The following LONP2 variants were observed in gnomAD, a reference collection of about 807,000 sequenced individuals.
LONP2 encodes the protein lon protease homolog 2, peroxisomal.
In LONP2, 60 loss-of-function variants were observed where a neutral mutation model predicts 85.6. That is an observed-to-expected ratio of 0.70 (90% CI 0.57 to 0.87). The LOEUF (loss-of-function observed/expected upper bound fraction) is 0.87. Ranked by LOEUF, LONP2 falls within the 40% of genes least tolerant of loss-of-function variation. The pLI is 0.00. For missense variants in LONP2, 860 were observed against 1,063.5 expected (o/e 0.81, Z 2.66); for synonymous variants, 395 against 389.7 (o/e 1.01, Z -0.16).
chr16:48,289,817 G>A (rs1463236144), intron 8 of LONP2, among the ~76,000 whole-genome samples: 1 of 152,064 alleles, frequency 6.6e-6, no homozygotes, highest in Non-Finnish European at 1.5e-5. Flanking sequence ...CCACTTTTGT[G>A]ACCACTGGTC....
At chr16:48,304,611 G>A (rs1256507287) in intron 11 of LONP2, among the ~76,000 whole-genome samples, 2 of 152,170 alleles carry the variant, frequency 1.3e-5, no homozygotes, top group African/African-American at 4.8e-5. Context: ...GGTTGAGGCA[G>A]GAGAATCGCT....
chr16:48,357,548 G>A (rs1261853403), downstream of LONP2, among the ~76,000 whole-genome samples: 2 of 152,132 alleles, frequency 1.3e-5, no homozygotes, highest in African/African-American at 2.4e-5. Flanking sequence ...TCACCCTGTC[G>A]AGTTTCGACA....
At chr16:48,361,322 CCTTT>C (rs1194330496), downstream of LONP2, 9 of 379,714 alleles carry the variant, frequency 2.4e-5, no homozygotes, top group African/African-American at 1.2e-4. Context: ...TACAATGCTT[CCTTT>C]CTTAATACAA....
chr16:48,359,148 C>T (rs1431851682), downstream of LONP2, among the ~76,000 whole-genome samples: 6 of 151,964 alleles, frequency 3.9e-5, no homozygotes, highest in Admixed American at 2.6e-4. Flanking sequence ...CTTTTTTGTA[C>T]TTTTAGTAGA....
At chr16:48,258,874 TTTC>T (rs1261631586) in intron 4 of LONP2, 134 bp downstream of exon 4, 1 of 790,204 alleles carries the variant, frequency 1.3e-6, no homozygotes, top group African/African-American at 1.8e-5. Context: ...CTCTCATCCT[TTTC>T]TTTGCCTGGA....
intron 6 of LONP2, 49 bp from the exon 7 acceptor site, chr16:48,269,967 A>T: frequency 6.4e-7 from 1 of 1,558,114 alleles, no homozygotes; most frequent in South Asian, 1.2e-5. Context: ...GAGTTCTTTA[A>T]CTTAAAAATT....
chr16:48,335,582 T>A (rs1478289402), intron 12 of LONP2, among the ~76,000 whole-genome samples: 1 of 152,228 alleles, frequency 6.6e-6, no homozygotes, highest in Non-Finnish European at 1.5e-5. Context: ...CACCTCCTTA[T>A]CAGTTTAAGG....
rs1361646301 is a variant in LONP2, at chr16:48,295,918, AT to A, written c.1384-96del. 7 of 1,140,830 alleles carry A rather than the reference AT, an allele frequency of 6.1e-6. No individual in the cohort carries two copies. In the South Asian group the frequency reaches 6.9e-5, roughly 11 times the overall value. 70.7% of individuals were successfully genotyped at this position (1,140,830 alleles called of 1,614,324 possible). The stretch of plus-strand genomic sequence containing the variant: ...GTTTCTTAAATTCTTCTGAGCAGAA[AT>A]ACCAACCTTGCCAGTACATCATGTG... On this transcript the variant is annotated intron_variant, in intron 8 of 14. Coordinates refer to ENST00000285737, the MANE Select transcript of LONP2 (RefSeq NM_031490.5).
At chr16:48,284,680 A>G (rs950098653) in intron 8 of LONP2, among the ~76,000 whole-genome samples, 3 of 152,202 alleles carry the variant, frequency 2.0e-5, no homozygotes, top group African/African-American at 7.2e-5. Context: ...CATAACTTTT[A>G]TATGCACTGG....
intron 8 of LONP2, among the ~76,000 whole-genome samples, chr16:48,288,062 A>G (rs1972484383): frequency 6.6e-6 from 1 of 152,112 alleles, no homozygotes; most frequent in East Asian, 1.9e-4. Context: ...TTGTATTTTG[A>G]ATCTCTTCTA....
At chr16:48,302,436 G>T (rs1361583362) in intron 10 of LONP2, among the ~76,000 whole-genome samples, 1 of 152,168 alleles carries the variant, frequency 6.6e-6, no homozygotes, top group Non-Finnish European at 1.5e-5. Context: ...AGATAAAACT[G>T]CATTCTCCAC....
chr16:48,268,207 A>G (rs1596925971), intron 6 of LONP2, among the ~76,000 whole-genome samples: 1 of 152,238 alleles, frequency 6.6e-6, no homozygotes, highest in East Asian at 1.9e-4. Flanking sequence ...TATAGAAAAG[A>G]TAGAAAATAA....
At chr16:48,322,445 G>A (rs1001379175) in intron 11 of LONP2, among the ~76,000 whole-genome samples, 4 of 152,160 alleles carry the variant, frequency 2.6e-5, no homozygotes, top group African/African-American at 4.8e-5. Flanking sequence ...TCCACATCTT[G>A]GCCCACTGGA....
At chr16:48,266,365 C>T (rs535391761) in intron 6 of LONP2, among the ~76,000 whole-genome samples, 19 of 150,912 alleles carry the variant, frequency 1.3e-4, no homozygotes, top group African/African-American at 3.9e-4. Context: ...GTGTAATTGA[C>T]GTACAGTAAA....
rs140160405 is a variant in LONP2, at chr16:48,303,299, A to G, written c.1789A>G (p.Arg597Gly). Reference protein sequence around the residue: ...AKLDRSDVTEREGCREHILED... With the variant: ...AKLDRSDVTEGEGCREHILED... Reference sequence around the variant, plus strand: ...GTTGGACCGTTCTGATGTGACTGAGAGAGAAGGTTGGTGACCTTGTTCTGG... The same window carrying G: ...GTTGGACCGTTCTGATGTGACTGAGGGAGAAGGTTGGTGACCTTGTTCTGG... Residue 597 changes from arginine (R) to glycine (G), a missense_variant, in exon 11 of 15, where the codon AGA becomes GGA. Coordinates refer to ENST00000285737, the MANE Select transcript of LONP2 (RefSeq NM_031490.5). 89 of 1,613,072 alleles carry G rather than the reference A, an allele frequency of 5.5e-5. No individual in the cohort carries two copies. The African/African-American group carries it at 1.1e-3, about 21-fold the overall frequency.
chr16:48,334,446 G>A lies in LONP2; in HGVS notation c.1938+88G>A, dbSNP rs574766980. On this transcript the variant is annotated intron_variant, in intron 12 of 14. Coordinates refer to ENST00000285737, the MANE Select transcript of LONP2 (RefSeq NM_031490.5). The stretch of plus-strand genomic sequence containing the variant: ...CAGGGCCGTAGGGCCTGGGCAGGAG[G>A]CTGCCCTTTGGGGAAGGAATAGCCT... 8 of 1,509,012 alleles carry A rather than the reference G, an allele frequency of 5.3e-6. No individual in the cohort carries two copies. In the South Asian group the frequency reaches 9.1e-5, roughly 17 times the overall value. 93.5% of individuals were successfully genotyped at this position (1,509,012 alleles called of 1,614,324 possible). A position where few individuals can be genotyped will look rare whatever the true frequency, so the allele number is the denominator to read the frequency against.
Position 48,353,545 on chromosome 16 carries a change from A to G in LONP2, c.*1743A>G, listed in dbSNP as rs1960225105. Reference sequence around the variant, plus strand: ...TTGGGCCAAAATACTGTGATAAAATAGCAGGCCTGCTGATAAAAGTTTATC... The same window carrying G: ...TTGGGCCAAAATACTGTGATAAAATGGCAGGCCTGCTGATAAAAGTTTATC... On this transcript the variant is annotated 3_prime_UTR_variant, in exon 15 of 15. Transcript: ENST00000285737. The G allele has an allele frequency of 6.6e-6, 1 of 152,302 alleles. No individual in the cohort carries two copies. Among genetic ancestry groups the G allele is most frequent in the African/African-American group, 2.4e-5 (1 of 41,314 alleles). The allele number at this position is 152,302 out of a possible 1,614,324, so 9.4% of individuals were successfully genotyped here. A position where few individuals can be genotyped will look rare whatever the true frequency, so the allele number is the denominator to read the frequency against.
At chr16:48,288,178 G>GAGT (rs1214762792) in intron 8 of LONP2, among the ~76,000 whole-genome samples, 3 of 144,386 alleles carry the variant, frequency 2.1e-5, no homozygotes, top group Non-Finnish European at 4.5e-5. Context: ...TTTTGAGACG[G>GAGT]AGTCTTGCCC....
At chr16:48,295,005 C>A (rs903780917) in intron 8 of LONP2, among the ~76,000 whole-genome samples, 2 of 152,202 alleles carry the variant, frequency 1.3e-5, no homozygotes, top group Non-Finnish European at 2.9e-5. Context: ...CCCTTAGCAA[C>A]AAGTGCCTGT....
Sources: allele counts gnomAD v4.1 joint callset (sites outside exome capture counted in the v4.1 genomes callset), GRCh38; gene constraint gnomAD v4.1.1; transcripts MANE v1.5; gene names NCBI Gene and HGNC (gene_info 2026-07-23, HGNC 2026-07-21).